TENM3: variants seen among roughly 807,000 people sequenced by gnomAD.
The protein encoded by TENM3 is teneurin transmembrane protein 3.
A neutral mutation model predicts 255.1 loss-of-function variants in TENM3; 63 were observed. That is an observed-to-expected ratio of 0.25 (90% CI 0.20 to 0.30). TENM3 has a LOEUF of 0.30. Among genes scored for constraint, TENM3 ranks in the 10% least tolerant of loss-of-function variants. The probability of loss-of-function intolerance (pLI) is 1.00; values close to 1 mark genes in which losing one functional copy is unlikely to be tolerated. For synonymous variants in TENM3, 1,306 were observed against 1,322.3 expected (o/e 0.99, Z 0.27); for missense variants, 2,929 against 3,461.1 (o/e 0.85, Z 3.86).
chr4:182,029,556 C>A, the TENM3 span, among the ~76,000 whole-genome samples: 1 of 152,108 alleles, frequency 6.6e-6, no homozygotes, highest in Non-Finnish European at 1.5e-5. Context: ...TATCCTCTTG[C>A]TGAATGGACC....
At chr4:181,792,971 T>A in the TENM3 span, among the ~76,000 whole-genome samples, 1 of 152,138 alleles carries the variant, frequency 6.6e-6, no homozygotes, top group Non-Finnish European at 1.5e-5. Context: ...CGGTTTTTTT[T>A]TTCCTGGAAA....
upstream of TENM3, among the ~76,000 whole-genome samples, chr4:182,242,985 G>A (rs770112901): frequency 2.0e-5 from 3 of 152,276 alleles, no homozygotes; most frequent in East Asian, 1.9e-4. Context: ...ATAATTGGGC[G>A]GTGATGTCAT....
At chr4:181,743,458 A>T in the TENM3 span, among the ~76,000 whole-genome samples, 1 of 152,216 alleles carries the variant, frequency 6.6e-6, no homozygotes, top group Admixed American at 6.5e-5. Flanking sequence ...TTTATAAATA[A>T]GGAAAGTCTT....
At chr4:182,000,651 G>A in the TENM3 span, among the ~76,000 whole-genome samples, 1 of 152,054 alleles carries the variant, frequency 6.6e-6, no homozygotes, top group Non-Finnish European at 1.5e-5. Context: ...GTTTAAACCA[G>A]TACAAATATA....
chr4:181,541,932 G>A, the TENM3 span, among the ~76,000 whole-genome samples: 1 of 152,196 alleles, frequency 6.6e-6, no homozygotes, highest in Admixed American at 6.5e-5. Flanking sequence ...TACAGAAATT[G>A]GAAGTTGTGT....
At chr4:181,859,486 TA>T in the TENM3 span, among the ~76,000 whole-genome samples, 1 of 152,174 alleles carries the variant, frequency 6.6e-6, no homozygotes, top group East Asian at 1.9e-4. Flanking sequence ...AGTGTTTTGC[TA>T]AGGAAATGTT....
At chr4:181,487,153 T>C in the TENM3 span, among the ~76,000 whole-genome samples, 1 of 152,160 alleles carries the variant, frequency 6.6e-6, no homozygotes, top group African/African-American at 2.4e-5. Context: ...CAATTAGAGA[T>C]TGTAAAACAT....
chr4:182,488,537 A>G (rs1335267269), intron 3 of TENM3, among the ~76,000 whole-genome samples: 1 of 152,148 alleles, frequency 6.6e-6, no homozygotes, highest in African/African-American at 2.4e-5. Flanking sequence ...TGTCAATTTC[A>G]TTTTGTTCTT....
the TENM3 span, among the ~76,000 whole-genome samples, chr4:182,061,646 C>T: frequency 1.3e-4 from 19 of 151,990 alleles, no homozygotes; most frequent in Admixed American, 4.6e-4. Flanking sequence ...TACAATTAAG[C>T]GTCACACAAA....
chr4:181,773,271 G>A, the TENM3 span, among the ~76,000 whole-genome samples: 1 of 152,028 alleles, frequency 6.6e-6, no homozygotes, highest in Non-Finnish European at 1.5e-5. Flanking sequence ...TTACTTTGTA[G>A]AGACCAAAAT....
chr4:182,214,024 G>A (rs957951350), intron 1 of TENM3, among the ~76,000 whole-genome samples: 1 of 152,090 alleles, frequency 6.6e-6, no homozygotes, highest in Non-Finnish European at 1.5e-5. Flanking sequence ...GGATGGTCTC[G>A]ATCTCTTGAC....
intron 3 of TENM3, among the ~76,000 whole-genome samples, chr4:182,444,774 G>A (rs1772774708): frequency 6.6e-6 from 1 of 152,118 alleles, no homozygotes; most frequent in South Asian, 2.1e-4. Context: ...TTTAAACGGT[G>A]AACTACACTC....
At chr4:182,225,864 T>C (rs1756117781) in intron 1 of TENM3, among the ~76,000 whole-genome samples, 2 of 152,142 alleles carry the variant, frequency 1.3e-5, no homozygotes, top group African/African-American at 4.8e-5. Context: ...GCTCAGAATT[T>C]GATCCAATCT....
intron 3 of TENM3, among the ~76,000 whole-genome samples, chr4:182,499,512 G>A (rs1736119626): frequency 6.6e-6 from 1 of 152,118 alleles, no homozygotes; most frequent in African/African-American, 2.4e-5. Flanking sequence ...CATGGGTTTG[G>A]CTGGCAGTAT....
chr4:182,150,655 A>G (rs1750276814), intron 1 of TENM3, among the ~76,000 whole-genome samples: 1 of 152,098 alleles, frequency 6.6e-6, no homozygotes. Flanking sequence ...TGATTATTTA[A>G]AAAGACCATT....
the TENM3 span, among the ~76,000 whole-genome samples, chr4:181,578,936 G>GA: frequency 6.6e-6 from 1 of 152,106 alleles, no homozygotes; most frequent in South Asian, 2.1e-4. Flanking sequence ...TGGGGAAGGG[G>GA]GCACGATTCA....
chr4:182,636,989 T>A, intron 5 of TENM3, among the ~76,000 whole-genome samples: 1 of 152,212 alleles, frequency 6.6e-6, no homozygotes, highest in East Asian at 1.9e-4. Context: ...ATTTACCACT[T>A]TACTGCTACG....
the TENM3 span, among the ~76,000 whole-genome samples, chr4:181,879,883 A>G: frequency 7.2e-5 from 11 of 152,320 alleles, no homozygotes; most frequent in Admixed American, 1.3e-4. Context: ...AAGTTAAGAA[A>G]AAAAGTGTTT....
chr4:182,698,423 C>G (rs980045153), intron 12 of TENM3, among the ~76,000 whole-genome samples: 1 of 152,138 alleles, frequency 6.6e-6, no homozygotes, highest in Non-Finnish European at 1.5e-5. Context: ...CATACGATGA[C>G]GTCTCCAAAA....
Sources: gnomAD v4.1 joint callset for allele counts (sites outside exome capture counted in the v4.1 genomes callset) on GRCh38, gnomAD v4.1.1 for gene constraint, MANE v1.5 for transcripts, NCBI Gene and HGNC (gene_info 2026-07-23, HGNC 2026-07-21) for gene names.